The following EXOC6B variants were observed in gnomAD, a reference collection of about 807,000 sequenced individuals.
EXOC6B encodes exocyst complex component 6B.
EXOC6B carries 54 observed loss-of-function variants against 113.5 expected under a neutral mutation model. That is an observed-to-expected ratio of 0.48 (90% CI 0.38 to 0.60). The LOEUF is 0.60. Among genes scored for constraint, EXOC6B ranks in the 20% least tolerant of loss-of-function variants. The pLI is 0.00. For missense variants in EXOC6B, 797 were observed against 977.5 expected (o/e 0.82, Z 2.46); for synonymous variants, 357 against 339.0 (o/e 1.05, Z -0.58).
chr2:72,297,701 T>C (rs1211000016), intron 20 of EXOC6B, among the ~76,000 whole-genome samples: 1 of 152,220 alleles, frequency 6.6e-6, no homozygotes, highest in East Asian at 1.9e-4. Context: ...TAATGGTACA[T>C]TGTGTCTTTA....
chr2:72,341,723 A>G (rs1482490870), intron 19 of EXOC6B, among the ~76,000 whole-genome samples: 1 of 152,140 alleles, frequency 6.6e-6, no homozygotes, highest in Non-Finnish European at 1.5e-5. Context: ...TCAGACTTGA[A>G]CAACACTATA....
intron 18 of EXOC6B, chr2:72,461,981 T>C (rs1384760419): frequency 6.6e-6 from 1 of 152,132 alleles, no homozygotes; most frequent in Non-Finnish European, 1.5e-5. Context: ...TGTCCATTTT[T>C]GCTTACAAAT....
At chr2:72,197,334 C>T (rs1347335669) in intron 20 of EXOC6B, among the ~76,000 whole-genome samples, 1 of 152,006 alleles carries the variant, frequency 6.6e-6, no homozygotes, top group Non-Finnish European at 1.5e-5. Context: ...AATCTGACTC[C>T]CAAGCCTGAT....
intron 17 of EXOC6B, among the ~76,000 whole-genome samples, chr2:72,468,258 T>G (rs1206559469): frequency 1.3e-5 from 2 of 152,188 alleles, no homozygotes; most frequent in Non-Finnish European, 2.9e-5. Flanking sequence ...CCTATATTAT[T>G]TTGTAGTAAT....
intron 7 of EXOC6B, among the ~76,000 whole-genome samples, chr2:72,559,926 CA>C: frequency 6.6e-6 from 1 of 152,212 alleles, no homozygotes; most frequent in East Asian, 1.9e-4. Flanking sequence ...TTTTAGTAGT[CA>C]AAAACAAAAC....
intron 6 of EXOC6B, among the ~76,000 whole-genome samples, chr2:72,630,525 T>G (rs1161681222): frequency 2.0e-5 from 3 of 152,254 alleles, no homozygotes; most frequent in Admixed American, 6.5e-5. Context: ...GCAAAACCTG[T>G]CCTAATAAAA....
At chr2:72,425,270 T>A (rs1165422515) in intron 18 of EXOC6B, among the ~76,000 whole-genome samples, 1 of 152,176 alleles carries the variant, frequency 6.6e-6, no homozygotes. Context: ...ACTGTCAGGT[T>A]TTAGGTCTAT....
chr2:72,624,378 C>T (rs528111616), intron 6 of EXOC6B, among the ~76,000 whole-genome samples: 15 of 152,194 alleles, frequency 9.9e-5, no homozygotes, highest in South Asian at 2.1e-4. Flanking sequence ...GGATTATAAG[C>T]GTGAGCCACT....
intron 1 of EXOC6B, among the ~76,000 whole-genome samples, chr2:72,789,400 G>C (rs1411483111): frequency 6.6e-6 from 1 of 152,168 alleles, no homozygotes; most frequent in Non-Finnish European, 1.5e-5. Context: ...TTAGGAAAGA[G>C]ACTAAGATGG....
At chr2:72,636,745 C>T (rs528944575) in intron 6 of EXOC6B, among the ~76,000 whole-genome samples, 62 of 152,136 alleles carry the variant, frequency 4.1e-4, no homozygotes, top group Middle Eastern at 3.4e-3. Context: ...ATATTTTCCA[C>T]CTAAGACAGG....
intron 5 of EXOC6B, among the ~76,000 whole-genome samples, chr2:72,721,459 A>C (rs1680007780): frequency 6.8e-6 from 1 of 148,036 alleles, no homozygotes; most frequent in Non-Finnish European, 1.5e-5. Flanking sequence ...TGTTTAACTG[A>C]TATGTGAAAA....
At chr2:72,409,034 A>G (rs1224870913) in intron 18 of EXOC6B, among the ~76,000 whole-genome samples, 1 of 152,068 alleles carries the variant, frequency 6.6e-6, no homozygotes, top group Admixed American at 6.5e-5. Context: ...AAAACAAACA[A>G]CCCCATCAAC....
chr2:72,412,295 T>A (rs1181596464), intron 18 of EXOC6B, among the ~76,000 whole-genome samples: 2 of 152,216 alleles, frequency 1.3e-5, no homozygotes, highest in Non-Finnish European at 2.9e-5. Flanking sequence ...AATTCATAAA[T>A]CTAACACTAG....
chr2:72,482,890 G>A (rs762335748), intron 16 of EXOC6B, among the ~76,000 whole-genome samples: 16 of 152,232 alleles, frequency 1.1e-4, no homozygotes, highest in Middle Eastern at 3.4e-3. Context: ...AAAACACAGC[G>A]ATACAATTCG....
At chr2:72,431,688 T>C (rs944080575) in intron 18 of EXOC6B, among the ~76,000 whole-genome samples, 8 of 152,160 alleles carry the variant, frequency 5.3e-5, no homozygotes, top group Admixed American at 2.6e-4. Context: ...GGGATACATA[T>C]GCAGAATGTA....
Position 72,499,903 on chromosome 2 carries a change from G to GA in EXOC6B, c.1236dup (p.Gln413SerfsTer12). 1 of 1,549,240 alleles carries GA rather than the reference G, an allele frequency of 6.5e-7. No homozygotes were observed. Among genetic ancestry groups the GA allele is most frequent in the Non-Finnish European group, 8.7e-7 (1 of 1,143,888 alleles). ...ATATGTAAACAGAAATCACATACCTGAAGTGTGTCAGCAAAAAGCACAATG... is the reference window on the plus strand; with the variant it reads ...ATATGTAAACAGAAATCACATACCTGAAAGTGTGTCAGCAAAAAGCACAATG... On this transcript the variant is annotated frameshift_variant, in exon 12 of 22. Transcript: ENST00000272427. LOFTEE classifies it high-confidence loss of function.
intron 17 of EXOC6B, among the ~76,000 whole-genome samples, chr2:72,475,553 T>C (rs1698683812): frequency 6.6e-6 from 1 of 152,074 alleles, no homozygotes; most frequent in Admixed American, 6.5e-5. Flanking sequence ...TCTGGTGTGC[T>C]CTGGCACAGG....
intron 8 of EXOC6B, among the ~76,000 whole-genome samples, chr2:72,527,567 C>A (rs924240929): frequency 5.3e-5 from 8 of 151,824 alleles, no homozygotes; most frequent in African/African-American, 1.9e-4. Flanking sequence ...ATTTTTATTT[C>A]TCTGGGACAA....
chr2:72,426,238 C>G (rs1456718391), intron 18 of EXOC6B, among the ~76,000 whole-genome samples: 2 of 152,158 alleles, frequency 1.3e-5, no homozygotes, highest in African/African-American at 4.8e-5. Context: ...TCATCCCCAT[C>G]TGCCAACACT....
Sources: gnomAD v4.1 joint callset for allele counts (sites outside exome capture counted in the v4.1 genomes callset) on GRCh38, gnomAD v4.1.1 for gene constraint, MANE v1.5 for transcripts, NCBI Gene and HGNC (gene_info 2026-07-23, HGNC 2026-07-21) for gene names.